Variants in UBTD2 observed in about 807,000 individuals in gnomAD.
UBTD2 encodes ubiquitin domain-containing protein 2.
Under a neutral mutation model 19.8 loss-of-function variants are expected in UBTD2, and 9 were observed. The observed-to-expected ratio is 0.46, with a 90% CI of 0.27 to 0.79. UBTD2 has a LOEUF of 0.79. UBTD2 is among the 30% of genes least tolerant of loss of function. UBTD2 has a pLI of 0.14. For synonymous variants in UBTD2, 98 were observed against 103.9 expected (o/e 0.94, Z 0.35); for missense variants, 250 against 300.4 (o/e 0.83, Z 1.24).
At chr5:172,269,759 G>C (rs1581233301) in intron 1 of UBTD2, among the ~76,000 whole-genome samples, 1 of 130,910 alleles carries the variant, frequency 7.6e-6, no homozygotes, top group South Asian at 2.5e-4. Context: ...AAAAAAAAAA[G>C]TTAAACACAT....
At chr5:172,244,269 G>A (rs1004914074) in intron 1 of UBTD2, among the ~76,000 whole-genome samples, 1 of 148,400 alleles carries the variant, frequency 6.7e-6, no homozygotes, top group Admixed American at 6.8e-5. Flanking sequence ...TCAATTTATC[G>A]CAAGACTGTT....
chr5:172,234,881 C>A (rs1771976353), intron 1 of UBTD2, among the ~76,000 whole-genome samples: 1 of 70,276 alleles, frequency 1.4e-5, no homozygotes, highest in Non-Finnish European at 2.9e-5. Context: ...GCACTTCAGC[C>A]TGGGCGAGAG....
intron 2 of UBTD2, among the ~76,000 whole-genome samples, chr5:172,227,137 T>C (rs907141611): frequency 6.6e-6 from 1 of 152,170 alleles, no homozygotes; most frequent in Non-Finnish European, 1.5e-5. Context: ...TGGGACCATG[T>C]AGAAACCCTG....
chr5:172,212,368 A>AT (rs1397858839), intron 2 of UBTD2, 141 bp from the exon 3 acceptor site: 1 of 878,632 alleles, frequency 1.1e-6, no homozygotes, highest in Non-Finnish European at 1.7e-6. Context: ...ATCAATGATT[A>AT]TCAAATCCCA....
chr5:172,254,861 G>A (rs139935113), intron 1 of UBTD2: 2 of 522,016 alleles, frequency 3.8e-6, no homozygotes, highest in Non-Finnish European at 3.6e-6. Context: ...TTCAATTACA[G>A]GTACTTGCAT....
intron 1 of UBTD2, among the ~76,000 whole-genome samples, chr5:172,273,995 G>C (rs545281466): frequency 6.6e-6 from 1 of 151,874 alleles, no homozygotes; most frequent in African/African-American, 2.4e-5. Flanking sequence ...TGCCAAAGTG[G>C]TATGAAATTT....
At chr5:172,256,692 G>A (rs961998796) in intron 1 of UBTD2, among the ~76,000 whole-genome samples, 7 of 151,892 alleles carry the variant, frequency 4.6e-5, no homozygotes, top group Admixed American at 2.0e-4. Context: ...AGGCCAAGGC[G>A]GGCAGATCAC....
intron 1 of UBTD2, among the ~76,000 whole-genome samples, chr5:172,274,624 G>C (rs1302734265): frequency 6.6e-6 from 1 of 152,062 alleles, no homozygotes; most frequent in East Asian, 1.9e-4. Context: ...ACCTCAAAAG[G>C]GCTACTGGTA....
At chr5:172,268,341 G>A (rs2113115553) in intron 1 of UBTD2, among the ~76,000 whole-genome samples, 1 of 152,278 alleles carries the variant, frequency 6.6e-6, no homozygotes, top group Non-Finnish European at 1.5e-5. Context: ...TGGGCAGAGT[G>A]TGGATCTACT....
intron 2 of UBTD2, among the ~76,000 whole-genome samples, chr5:172,218,658 G>C (rs1277592574): frequency 1.3e-5 from 2 of 151,120 alleles, no homozygotes; most frequent in Non-Finnish European, 3.0e-5. Flanking sequence ...GGTGGTACAT[G>C]CCTGTAGTCC....
chr5:172,241,809 G>A (rs1221648665), intron 1 of UBTD2, among the ~76,000 whole-genome samples: 2 of 152,082 alleles, frequency 1.3e-5, no homozygotes, highest in African/African-American at 4.8e-5. Flanking sequence ...GAGCCCAGGA[G>A]TTTGAAACCA....
At chr5:172,227,105 G>C (rs914392469) in intron 2 of UBTD2, among the ~76,000 whole-genome samples, 1 of 152,156 alleles carries the variant, frequency 6.6e-6, no homozygotes, top group African/African-American at 2.4e-5. Flanking sequence ...TACAGAAGTA[G>C]AAGTTGGTAT....
In UBTD2 at chr5:172,246,751, CTTTTTTTTTTTTTTTT is replaced by C. The variant is rs70982379; in HGVS notation, c.71-12409_71-12394del. ...GAGCCACCACGCCCAGCCGAGATTG[CTTTTTTTTTTTTTTTT>C]TTTTTTTTTTTTTTGAGACAGAGTC... On this transcript the variant is annotated intron_variant, in intron 1 of 2. Transcript: ENST00000393792. Among the ~76,000 whole-genome samples the C allele has an allele frequency of 3.8e-4, 24 of 62,496 alleles. No homozygotes were observed. The South Asian group carries it at 5.3e-3, about 14-fold the overall frequency. 41.0% of individuals were successfully genotyped at this position (62,496 alleles called of 152,430 possible). A position where few individuals can be genotyped will look rare whatever the true frequency, so the allele number is the denominator to read the frequency against.
intron 2 of UBTD2, among the ~76,000 whole-genome samples, chr5:172,231,501 G>T (rs1455281727): frequency 1.3e-5 from 2 of 152,204 alleles, no homozygotes; most frequent in Non-Finnish European, 2.9e-5. Context: ...AAGCAGAAAT[G>T]AGGGACTTCG....
intron 1 of UBTD2, among the ~76,000 whole-genome samples, chr5:172,269,873 C>A (rs13182246): frequency 0.074 from 11,163 of 150,878 alleles, 451 homozygotes; most frequent in South Asian, 0.12. Flanking sequence ...GTCAGGAGTT[C>A]GAGACCGGCC....
chr5:172,232,505 T>C (rs1771922524), intron 2 of UBTD2, among the ~76,000 whole-genome samples: 1 of 152,106 alleles, frequency 6.6e-6, no homozygotes, highest in Non-Finnish European at 1.5e-5. Flanking sequence ...GGAATGTTTC[T>C]TGGAAGCACA....
chr5:172,217,668 G>A (rs547161380), intron 2 of UBTD2, among the ~76,000 whole-genome samples: 2 of 152,004 alleles, frequency 1.3e-5, no homozygotes, highest in African/African-American at 4.8e-5. Context: ...GTATTTTTTG[G>A]TAGAGGCAGG....
At chr5:172,214,641 G>A (rs879765247) in intron 2 of UBTD2, among the ~76,000 whole-genome samples, 1 of 152,148 alleles carries the variant, frequency 6.6e-6, no homozygotes, top group Non-Finnish European at 1.5e-5. Context: ...CTCATGCTCT[G>A]CCAGTGCTCA....
intron 1 of UBTD2, among the ~76,000 whole-genome samples, chr5:172,277,001 G>A (rs371801520): frequency 2.4e-4 from 35 of 146,212 alleles, no homozygotes; most frequent in African/African-American, 7.6e-4. Flanking sequence ...CCTGGGAGGC[G>A]GAGATTGCAG....
Sources: gnomAD v4.1 joint callset for allele counts (sites outside exome capture counted in the v4.1 genomes callset) on GRCh38, gnomAD v4.1.1 for gene constraint, MANE v1.5 for transcripts, NCBI Gene and HGNC (gene_info 2026-07-23, HGNC 2026-07-21) for gene names.